CYP2R1: variants seen among roughly 807,000 people sequenced by gnomAD.
CYP2R1 encodes the protein vitamin D 25-hydroxylase.
In CYP2R1, 40 loss-of-function variants were observed where a neutral mutation model predicts 45.7. The ratio of observed to expected loss-of-function variants is 0.87; its 90% CI spans 0.68 to 1.14. The LOEUF (loss-of-function observed/expected upper bound fraction) is 1.14. CYP2R1 is among the 50% of genes most tolerant of loss of function. CYP2R1 has a pLI of 0.00. For synonymous variants in CYP2R1, 234 were observed against 219.3 expected (o/e 1.07, Z -0.59); for missense variants, 605 against 602.6 (o/e 1.00, Z -0.04).
intron 1 of CYP2R1, chr11:14,890,825 G>A (rs1275409040): frequency 1.0e-6 from 1 of 978,148 alleles, no homozygotes; most frequent in African/African-American, 1.8e-5. Context: ...TGGGATTATA[G>A]GCGTGAGCCA....
chr11:14,890,046 G>A (rs1231761060), intron 1 of CYP2R1, among the ~76,000 whole-genome samples: 2 of 152,044 alleles, frequency 1.3e-5, no homozygotes, highest in South Asian at 2.1e-4. Context: ...GGAGAATGGC[G>A]TGAACTCGGG....
At chr11:14,884,955 C>T (rs1555013888) in intron 2 of CYP2R1, among the ~76,000 whole-genome samples, 1 of 152,024 alleles carries the variant, frequency 6.6e-6, no homozygotes, top group Non-Finnish European at 1.5e-5. Flanking sequence ...TATCATTATA[C>T]TCTGGCCTGA....
intron 3 of CYP2R1, 140 bp from the exon 4 acceptor site, chr11:14,879,583 C>G (rs1239287003): frequency 4.7e-6 from 3 of 634,628 alleles, no homozygotes; most frequent in Non-Finnish European, 8.3e-6. Flanking sequence ...TTTTTATTAT[C>G]TGGGCGTTCT....
Position 14,885,837 on chromosome 11 carries a change from T to G in CYP2R1, c.306A>C (p.Gln102His), listed in dbSNP as rs942538897. 11 of 1,613,526 alleles carry G rather than the reference T, an allele frequency of 6.8e-6. No individual in the cohort carries two copies. The highest frequency in any genetic ancestry group is 1.3e-5 in the African/African-American group (1 of 74,912). Reference protein sequence around the residue: ...YDVVKECLVHQSEIFADRPCL... With the variant: ...YDVVKECLVHHSEIFADRPCL... ...ATGGTCTGTCTGCAAAAATTTCGCT[T>G]TGATGAACAAGGCATTCCTTTACTA... is the stretch of plus-strand genomic sequence containing the variant. Residue 102 changes from glutamine (Q) to histidine (H), a missense_variant, in exon 2 of 5, where the codon CAA becomes CAC. Coordinates refer to ENST00000334636, the MANE Select transcript of CYP2R1 (RefSeq NM_024514.5).
intron 2 of CYP2R1, 63 bp from the exon 3 acceptor site, chr11:14,880,831 A>G: frequency 6.7e-7 from 1 of 1,499,724 alleles, no homozygotes. Context: ...AATGAAAGGG[A>G]ACAAAATTTT....
chr11:14,881,130 T>A (rs1848368671), intron 2 of CYP2R1, among the ~76,000 whole-genome samples: 1 of 152,102 alleles, frequency 6.6e-6, no homozygotes, highest in Admixed American at 6.6e-5. Context: ...CAAAGTTTTA[T>A]CTTAGACTAA....
At chr11:14,891,706 C>G in intron 1 of CYP2R1, 4 of 1,237,096 alleles carry the variant, frequency 3.2e-6, no homozygotes, top group Non-Finnish European at 4.1e-6. Flanking sequence ...GGAGCAAGAG[C>G]TCGAGCGGTA....
rs1360336340 is a variant in CYP2R1, at chr11:14,878,192, G to A, written c.1436C>T (p.Pro479Leu). ...FHLHFPHELV[P>L]DLKPRLGMTL... ...CATGCCTAACCTGGGCTTCAGATCTGGAACTAGTTCATGTGGAAAATGCAA... is the reference window on the plus strand; with the variant it reads ...CATGCCTAACCTGGGCTTCAGATCTAGAACTAGTTCATGTGGAAAATGCAA... The change falls in exon 5 of 5, where the codon CCA becomes CTA. Residue 479 changes from proline (P) to leucine (L), a missense_variant. Physicochemically the swap from Pro to Leu is moderately conservative, Grantham distance 98. Coordinates refer to ENST00000334636, the MANE Select transcript of CYP2R1 (RefSeq NM_024514.5). The A allele has an allele frequency of 1.2e-6, 2 of 1,613,210 alleles. No homozygotes were observed. The highest frequency in any genetic ancestry group is 1.1e-5 in the South Asian group (1 of 91,054).
rs782183398 is a variant in CYP2R1 at position 14,879,238 on chromosome 11, TG to T, written c.1205del (p.Thr402LysfsTer42). The T allele has an allele frequency of 1.2e-6, 2 of 1,613,208 alleles. No homozygotes were observed. The part of the protein sequence containing the change: ...YSIPKGTTVI[T>X]NLYSVHFDEK... ...CATCAAAGTGTACAGAATAAAGATT[TG>T]TAATTACTGTTGTGCCTTTAGGAAT... is the stretch of plus-strand genomic sequence containing the variant. On this transcript the variant is annotated frameshift_variant, in exon 4 of 5. Transcript: ENST00000334636. LOFTEE classifies it high-confidence loss of function.
At chr11:14,883,066 C>T (rs559729634) in intron 2 of CYP2R1, among the ~76,000 whole-genome samples, 1 of 152,328 alleles carries the variant, frequency 6.6e-6, no homozygotes, top group Non-Finnish European at 1.5e-5. Flanking sequence ...ATTCCATGCT[C>T]ATGGGTAGGA....
chr11:14,890,603 G>C (rs1457501716), intron 1 of CYP2R1: 1 of 212,590 alleles, frequency 4.7e-6, no homozygotes, highest in African/African-American at 2.9e-5. Context: ...CTGGAGTGCA[G>C]TGGCGCGATC....
intron 1 of CYP2R1, 151 bp downstream of exon 1, chr11:14,891,830 C>A: frequency 7.0e-7 from 1 of 1,422,144 alleles, no homozygotes; most frequent in African/African-American, 1.4e-5. Context: ...CCTTCCAGAC[C>A]CGGGAAGCGG....
intron 1 of CYP2R1, chr11:14,891,381 C>A: frequency 1.0e-6 from 1 of 985,692 alleles, no homozygotes. Flanking sequence ...GCTGTAGGAC[C>A]CCCGCAGCGG....
rs1565190109 is a variant in CYP2R1, at chr11:14,891,116, G to A, written c.225+865C>T. On this transcript the variant is annotated intron_variant, in intron 1 of 4. Transcript: ENST00000334636. Reference sequence around the variant, plus strand: ...AGGTGAGCTCTGTCCCAGGACCCGTGGAAACTCCTGCCCCCTCCGGACGTC... The same window carrying A: ...AGGTGAGCTCTGTCCCAGGACCCGTAGAAACTCCTGCCCCCTCCGGACGTC... 3.0e-6 allele frequency: 3 copies of A among 985,294 alleles called. No homozygotes were observed. In the African/African-American group the frequency reaches 5.2e-5, roughly 17 times the overall value. The allele number at this position is 985,294 out of a possible 1,614,324, so 61.0% of individuals were successfully genotyped here.
At chr11:14,889,651 A>G (rs1848753681) in intron 1 of CYP2R1, among the ~76,000 whole-genome samples, 1 of 152,236 alleles carries the variant, frequency 6.6e-6, no homozygotes, top group Non-Finnish European at 1.5e-5. Context: ...CAATAAAACT[A>G]TGATAGGGGA....
At chr11:14,891,743 C>A in intron 1 of CYP2R1, 3 of 1,348,990 alleles carry the variant, frequency 2.2e-6, no homozygotes, top group Non-Finnish European at 2.9e-6. Flanking sequence ...TGGATCGCCT[C>A]GGAGCCTCGG....
chr11:14,885,806 G>C lies in CYP2R1; in HGVS notation c.337C>G (p.Pro113Ala). The change falls in exon 2 of 5, where the codon CCT becomes GCT. Residue 113 changes from proline to alanine, a missense_variant. Transcript: ENST00000334636. ...ATTTTTGTCATCTTCATGAATAAAG[G>C]AAGGCATGGTCTGTCTGCAAAAATT... ...SEIFADRPCL[P>A]LFMKMTKMGG... is the part of the protein sequence containing the mutation. 1 of 1,613,114 alleles carries C rather than the reference G, an allele frequency of 6.2e-7. No individual in the cohort carries two copies. Among genetic ancestry groups the C allele is most frequent in the South Asian group, 1.1e-5 (1 of 91,034 alleles).
intron 1 of CYP2R1, chr11:14,891,264 T>C (rs1046306134): frequency 1.3e-4 from 125 of 984,716 alleles, no homozygotes; most frequent in South Asian, 9.9e-4. Context: ...TGGTTATGAG[T>C]TTTAAATGAG....
In CYP2R1 at chr11:14,892,148, G is replaced by A. The variant is rs1178236926; in HGVS notation, c.58C>T (p.Leu20=). 6.8e-6 allele frequency: 11 copies of A among 1,611,202 alleles called. No individual in the cohort carries two copies. The highest frequency in any genetic ancestry group is 8.5e-6 in the Non-Finnish European group (10 of 1,179,760). The change falls in exon 1 of 5, where the codon CTG becomes TTG. Residue 20 remains leucine, a synonymous_variant. Transcript: ENST00000334636. ...GAAALGGALF[L]LLFALGVRQL... is the part of the protein sequence containing the mutation. ...CGGACCCCTAGCGCGAAGAGCAGCAGGAAGAGCGCGCCGCCGAGCGCCGCC... is the reference window on the plus strand; with the variant it reads ...CGGACCCCTAGCGCGAAGAGCAGCAAGAAGAGCGCGCCGCCGAGCGCCGCC...
Sources: allele counts gnomAD v4.1 joint callset (sites outside exome capture counted in the v4.1 genomes callset), GRCh38; gene constraint gnomAD v4.1.1; transcripts MANE v1.5; gene names NCBI Gene and HGNC (gene_info 2026-07-23, HGNC 2026-07-21).